NEMP1: variants seen among roughly 807,000 people sequenced by gnomAD.
The protein encoded by NEMP1 is transmembrane protein 194.
A neutral mutation model predicts 53.7 loss-of-function variants in NEMP1; 29 were observed. That is an observed-to-expected ratio of 0.54 (90% CI 0.40 to 0.74). The LOEUF (loss-of-function observed/expected upper bound fraction) is 0.74. Ranked by LOEUF, NEMP1 falls within the 30% of genes least tolerant of loss-of-function variation. The pLI is 0.00. For missense variants in NEMP1, 477 were observed against 528.6 expected (o/e 0.90, Z 0.96); for synonymous variants, 193 against 192.9 (o/e 1.00, Z 0.00).
At position 57,056,128 on chromosome 12, in the gene NEMP1, C is replaced by T. The variant is rs2031511691; in HGVS notation, c.*3751G>A. 1 of 152,166 alleles carries T rather than the reference C, an allele frequency of 6.6e-6. No individual in the cohort carries two copies. Among genetic ancestry groups the T allele is most frequent in the Admixed American group, 6.5e-5 (1 of 15,278 alleles). 9.4% of individuals were successfully genotyped at this position (152,166 alleles called of 1,614,324 possible). A position where few individuals can be genotyped will look rare whatever the true frequency, so the allele number is the denominator to read the frequency against. Reference sequence around the variant, plus strand: ...CACATTTTGGGAGTCTGTGACCACTCCCATCTGCCACTAAAGCTACGAGTT... The same window carrying T: ...CACATTTTGGGAGTCTGTGACCACTTCCATCTGCCACTAAAGCTACGAGTT... On this transcript the variant is annotated 3_prime_UTR_variant, in exon 9 of 9. Transcript: ENST00000300128.
intron 4 of NEMP1, among the ~76,000 whole-genome samples, chr12:57,067,626 T>G (rs2032153839): frequency 6.6e-6 from 1 of 152,200 alleles, no homozygotes; most frequent in South Asian, 2.1e-4. Flanking sequence ...AAGTGATGTG[T>G]GACTATATTT....
intron 1 of NEMP1, among the ~76,000 whole-genome samples, chr12:57,076,415 G>C (rs968148024): frequency 1.3e-5 from 2 of 152,094 alleles, no homozygotes; most frequent in African/African-American, 2.4e-5. Context: ...TGTAATCCCA[G>C]TACTTTGGTA....
intron 5 of NEMP1, 142 bp from the exon 6 acceptor site, chr12:57,064,327 C>G (rs2031970078): frequency 1.7e-6 from 1 of 584,844 alleles, no homozygotes; most frequent in Non-Finnish European, 2.9e-6. Flanking sequence ...AAAAAGATGT[C>G]CTTTATACTT....
rs747666569 is a variant in NEMP1, at chr12:57,063,224, A to G, written c.875T>C (p.Met292Thr). ...WTLQLMGLCFMYSGIQIPHIA... is the reference protein window; with the variant it reads ...WTLQLMGLCFTYSGIQIPHIA... ...ATGTGGTATCTGGATGCCAGAATAC[A>G]TGAAACACAGGCCCATCAGCTGCAA... Residue 292 changes from methionine to threonine, a missense_variant, in exon 7 of 9, where the codon ATG (methionine) becomes ACG (threonine). Transcript: ENST00000300128. 1.2e-6 allele frequency: 2 copies of G among 1,614,224 alleles called. No individual in the cohort carries two copies. Among genetic ancestry groups the G allele is most frequent in the Non-Finnish European group, 1.7e-6 (2 of 1,180,036 alleles).
intron 7 of NEMP1, among the ~76,000 whole-genome samples, 173 bp from the exon 8 acceptor site, chr12:57,061,118 C>A (rs2031779694): frequency 6.6e-6 from 1 of 152,024 alleles, no homozygotes; most frequent in African/African-American, 2.4e-5. Context: ...ATACATTAGA[C>A]TATGAGTGAC....
rs1279417041 is a variant in NEMP1, at chr12:57,060,934, T to C, written c.992A>G (p.Lys331Arg). The C allele has an allele frequency of 6.2e-7, 1 of 1,613,460 alleles. No individual in the cohort carries two copies. Among genetic ancestry groups the C allele is most frequent in the Admixed American group, 1.7e-5 (1 of 59,888 alleles). The change falls in exon 8 of 9, where the codon AAG becomes AGG. Residue 331 changes from lysine to arginine, a missense_variant. Transcript: ENST00000300128. ...WLYITCRKVC[K>R]GAEKPVPPRL... The stretch of plus-strand genomic sequence containing the variant: ...AGGGGGAACAGGCTTTTCTGCTCCC[T>C]TACACACCTTTCTGTGCTCACCAAA...
chr12:57,070,887 C>T lies in NEMP1; in HGVS notation c.259G>A (p.Val87Ile), dbSNP rs928160907. 1.2e-6 allele frequency: 2 copies of T among 1,611,508 alleles called. No individual in the cohort carries two copies. The highest frequency in any genetic ancestry group is 1.7e-6 in the Non-Finnish European group (2 of 1,178,596). ...ACTCGAACCAATCTGGAACTATTTA[C>T]TCGGATCTGTAACACAAATAAAATC... Reference protein sequence around the residue: ...HDIWTRIQIRVNSSRLVRVTQ... With the variant: ...HDIWTRIQIRINSSRLVRVTQ... The change falls in exon 3 of 9, where the codon GTA becomes ATA. Residue 87 changes from valine to isoleucine, a missense_variant. Transcript: ENST00000300128.
intron 5 of NEMP1, 26 bp from the exon 6 acceptor site, chr12:57,064,211 C>A (rs1336170997): frequency 4.2e-6 from 6 of 1,436,746 alleles, no homozygotes; most frequent in Admixed American, 2.2e-5. Flanking sequence ...GAAGTGAAAG[C>A]AAAAAGTTAC....
intron 1 of NEMP1, among the ~76,000 whole-genome samples, chr12:57,077,849 C>T (rs2032705514): frequency 1.3e-5 from 2 of 152,066 alleles, no homozygotes; most frequent in African/African-American, 4.8e-5. Context: ...TTGGGAGGGC[C>T]AAGGCGGATG....
rs548466246 is a variant in NEMP1, at chr12:57,065,521, CTTTT to C, written c.546-786_546-783del. Among the ~76,000 whole-genome samples the C allele has an allele frequency of 6.7e-5, 9 of 134,950 alleles. No individual in the cohort carries two copies. In the East Asian group the frequency reaches 1.3e-3, roughly 19 times the overall value. The allele number at this position is 134,950 out of a possible 152,430, so 88.5% of individuals were successfully genotyped here. A position where few individuals can be genotyped will look rare whatever the true frequency, so the allele number is the denominator to read the frequency against. On this transcript the variant is annotated intron_variant, in intron 4 of 8. Transcript: ENST00000300128. ...GCTTCTATATCAGTGCTTGGTTCAT[CTTTT>C]TTTTTTTTTTTTTTGAGACAAAGTC...
In NEMP1 at chr12:57,070,854, C is replaced by G. The variant is rs765868291; in HGVS notation, c.292G>C (p.Val98Leu). The change falls in exon 3 of 9, where the codon GTG becomes CTG. Residue 98 changes from valine to leucine, a missense_variant. Physicochemically the swap from Val to Leu is conservative, Grantham distance 32. Transcript: ENST00000300128. ...NSSRLVRVTQ[V>L]ENEEKLKELE... ...TCCTTCAGTTTCTCCTCATTCTCCA[C>G]CTGGGTGACTCGAACCAATCTGGAA... The G allele has an allele frequency of 8.1e-6, 13 of 1,614,014 alleles. No homozygotes were observed. The highest frequency in any genetic ancestry group is 5.0e-5 in the Admixed American group (3 of 59,996).
At position 57,064,198 on chromosome 12, in the gene NEMP1, G is replaced by A. The variant is rs756743676; in HGVS notation, c.640-13C>T. On this transcript the variant is annotated splice_polypyrimidine_tract_variant and intron_variant, in intron 5 of 8. Coordinates refer to ENST00000300128, the MANE Select transcript of NEMP1 (RefSeq NM_001130963.2). ...AAATGGGACTTTTCTAAGACAGAGA[G>A]TAGAAGTGAAAGCAAAAAGTTACAA... 102 of 1,543,196 alleles carry A rather than the reference G, an allele frequency of 6.6e-5. No individual in the cohort carries two copies. In the Middle Eastern group the frequency reaches 6.8e-4, roughly 10 times the overall value.
Position 57,056,852 on chromosome 12 carries a change from C to T in NEMP1, c.*3027G>A, listed in dbSNP as rs568279739. The T allele has an allele frequency of 6.6e-6, 1 of 152,200 alleles. No individual in the cohort carries two copies. Among genetic ancestry groups the T allele is most frequent in the African/African-American group, 2.4e-5 (1 of 41,540 alleles). 9.4% of individuals were successfully genotyped at this position (152,200 alleles called of 1,614,324 possible). A position where few individuals can be genotyped will look rare whatever the true frequency, so the allele number is the denominator to read the frequency against. On this transcript the variant is annotated 3_prime_UTR_variant, in exon 9 of 9. Coordinates refer to ENST00000300128, the MANE Select transcript of NEMP1 (RefSeq NM_001130963.2). ...ACCATCAGTCAAGAGACGGCTGGGC[C>T]CTAGAATGGAATCTATTAGCATAAA...
intron 3 of NEMP1, among the ~76,000 whole-genome samples, chr12:57,070,059 G>A (rs534299015): frequency 6.6e-6 from 1 of 152,188 alleles, no homozygotes; most frequent in Non-Finnish European, 1.5e-5. Flanking sequence ...CCAGGACCCT[G>A]TGTAGTAACC....
intron 1 of NEMP1, among the ~76,000 whole-genome samples, chr12:57,083,957 T>C (rs2032919850): frequency 1.3e-5 from 1 of 76,242 alleles, no homozygotes; most frequent in South Asian, 3.1e-4. Flanking sequence ...TTTTCTTCTG[T>C]TTTGTTTTGT....
At chr12:57,072,184 T>A (rs1449838304) in intron 2 of NEMP1, among the ~76,000 whole-genome samples, 1 of 152,102 alleles carries the variant, frequency 6.6e-6, no homozygotes, top group African/African-American at 2.4e-5. Context: ...ATGCCTATAA[T>A]CCCAACACCT....
At chr12:57,087,063 C>A (rs150538757) in intron 1 of NEMP1, among the ~76,000 whole-genome samples, 1 of 152,170 alleles carries the variant, frequency 6.6e-6, no homozygotes, top group East Asian at 1.9e-4. Flanking sequence ...AGTGGGCAGG[C>A]CCCTTCTGCG....
intron 3 of NEMP1, 64 bp from the exon 4 acceptor site, chr12:57,069,370 A>G: frequency 9.1e-7 from 1 of 1,100,994 alleles, no homozygotes; most frequent in South Asian, 1.5e-5. Context: ...TATAGAATAA[A>G]AGACAACGTT....
Position 57,060,839 on chromosome 12 carries a change from G to A in NEMP1, c.1087C>T (p.Arg363Ter), listed in dbSNP as rs748466652. The A allele has an allele frequency of 3.1e-6, 5 of 1,613,930 alleles. No individual in the cohort carries two copies. The highest frequency in any genetic ancestry group is 1.3e-5 in the African/African-American group (1 of 74,890). Reference protein sequence around the residue: ...VETRKALEELREFCNSPDCSA... With the variant: ...VETRKALEEL ...CAGTCTGGACTGTTACAAAATTCTC[G>A]GAGCTCCTCTAAAGCCTTTCGGGTT... Residue 363 changes from arginine (R) to a stop codon, truncating the protein, a stop_gained, in exon 8 of 9, where the codon CGA (arginine) becomes TGA (stop). Coordinates refer to ENST00000300128, the MANE Select transcript of NEMP1 (RefSeq NM_001130963.2). LOFTEE classifies it high-confidence loss of function.
Sources: allele counts gnomAD v4.1 joint callset (sites outside exome capture counted in the v4.1 genomes callset), GRCh38; gene constraint gnomAD v4.1.1; transcripts MANE v1.5; gene names NCBI Gene and HGNC (gene_info 2026-07-23, HGNC 2026-07-21).